CDH5: variants seen among roughly 807,000 people sequenced by gnomAD.
CDH5 encodes cadherin-5.
A neutral mutation model predicts 62.0 loss-of-function variants in CDH5; 28 were observed. The observed-to-expected ratio is 0.45, with a 90% CI of 0.33 to 0.62. The LOEUF (loss-of-function observed/expected upper bound fraction) is 0.62, where lower values mean the gene tolerates loss of function less well. Ranked by LOEUF, CDH5 falls within the 20% of genes least tolerant of loss-of-function variation. The pLI, the probability that CDH5 is intolerant of heterozygous loss-of-function variation, is 0.02. For missense variants in CDH5, 940 were observed against 1,065.1 expected (o/e 0.88, Z 1.63); for synonymous variants, 464 against 445.8 (o/e 1.04, Z -0.52).
At chr16:66,387,872 G>A (rs1056317629) in intron 3 of CDH5, among the ~76,000 whole-genome samples, 1 of 152,174 alleles carries the variant, frequency 6.6e-6, no homozygotes, top group African/African-American at 2.4e-5. Context: ...TCCAGAGGGT[G>A]CCAGAAAAGA....
intron 9 of CDH5, 111 bp from the exon 10 acceptor site, chr16:66,398,345 G>A: frequency 1.2e-6 from 1 of 831,448 alleles, no homozygotes; most frequent in Non-Finnish European, 2.0e-6. Context: ...AGTGTTGCAG[G>A]TGGGAAACAG....
intron 8 of CDH5, among the ~76,000 whole-genome samples, chr16:66,397,142 T>A (rs545783947): frequency 1.4e-3 from 209 of 152,360 alleles, no homozygotes; most frequent in African/African-American, 4.9e-3. Context: ...GATTGTAATG[T>A]TTGTGTAAGA....
Position 66,403,303 on chromosome 16 carries a change from C to A in CDH5, c.*134C>A. 1 of 737,132 alleles carries A rather than the reference C, an allele frequency of 1.4e-6. No homozygotes were observed. The highest frequency in any genetic ancestry group is 2.2e-6 in the Non-Finnish European group (1 of 459,316). 45.7% of individuals were successfully genotyped at this position (737,132 alleles called of 1,614,324 possible). A position where few individuals can be genotyped will look rare whatever the true frequency, so the allele number is the denominator to read the frequency against. ...CCCCTTCCTCGTGGGTCCCAGAGAC[C>A]TCATCAGCCTTGGGATAGCAAACTC... On this transcript the variant is annotated 3_prime_UTR_variant, in exon 12 of 12. Coordinates refer to ENST00000341529, the MANE Select transcript of CDH5 (RefSeq NM_001795.5). This position sits in a 1 kb window ranked among gnomAD's most constrained non-coding sequence, Gnocchi z 4.3.
Position 66,377,402 on chromosome 16 carries a change from T to C in CDH5, c.-19-1917T>C, listed in dbSNP as rs571462097. 716 of 152,378 alleles carry C rather than the reference T, an allele frequency of 4.7e-3. 10 individuals carry two copies. The highest frequency in any genetic ancestry group is 5.4e-3 in the Non-Finnish European group (366 of 68,102). The allele number at this position is 152,378 out of a possible 1,614,324, so 9.4% of individuals were successfully genotyped here. On this transcript the variant is annotated intron_variant, in intron 1 of 11. Transcript: ENST00000341529. ...GCCTATCCCCACCCTGGGAGTCCACTTCCTCCAGGGCCAGAGGCAGGAACC... is the reference window on the plus strand; with the variant it reads ...GCCTATCCCCACCCTGGGAGTCCACCTCCTCCAGGGCCAGAGGCAGGAACC...
At position 66,398,484 on chromosome 16, in the gene CDH5, A is replaced by C. The variant is rs1961227755; in HGVS notation, c.1514A>C (p.Lys505Thr). ...QLVLQISAIDKDITPRNVKFK... is the reference protein window; with the variant it reads ...QLVLQISAIDTDITPRNVKFK... The stretch of plus-strand genomic sequence containing the variant: ...GTCCTGCAGATCTCCGCAATAGACA[A>C]GGACATAACACCACGAAACGTGAAG... Residue 505 changes from lysine (K) to threonine (T), a missense_variant, in exon 10 of 12, where the codon AAG (lysine) becomes ACG (threonine). Physicochemically the swap from Lys to Thr is moderately conservative, Grantham distance 78 (BLOSUM62 -1). Transcript: ENST00000341529. The C allele has an allele frequency of 6.2e-7, 1 of 1,608,754 alleles. No homozygotes were observed. The highest frequency in any genetic ancestry group is 1.3e-5 in the African/African-American group (1 of 74,864).
At position 66,390,608 on chromosome 16, in the gene CDH5, A is replaced by T; in HGVS notation, c.969+18A>T. On this transcript the variant is annotated intron_variant, in intron 6 of 11. Coordinates refer to ENST00000341529, the MANE Select transcript of CDH5 (RefSeq NM_001795.5). ...CCATGAAGGTTTGTAGGCCAATGGC[A>T]ACAATGTCAAACGTGAGGCTTGGGG... 6.2e-7 allele frequency: 1 copy of T among 1,611,278 alleles called. No individual in the cohort carries two copies. The highest frequency in any genetic ancestry group is 8.5e-7 in the Non-Finnish European group (1 of 1,177,840).
At chr16:66,385,176 T>C (rs1218514446) in intron 2 of CDH5, among the ~76,000 whole-genome samples, 1 of 152,226 alleles carries the variant, frequency 6.6e-6, no homozygotes, top group Non-Finnish European at 1.5e-5. Context: ...TCATTGTATA[T>C]GCATAGAATA....
At chr16:66,382,454 C>A (rs1256913981) in intron 2 of CDH5, among the ~76,000 whole-genome samples, 1 of 152,098 alleles carries the variant, frequency 6.6e-6, no homozygotes, top group Non-Finnish European at 1.5e-5. Flanking sequence ...AACACAAATG[C>A]GAGCTCTGTG....
At chr16:66,382,802 G>A (rs1377568210) in intron 2 of CDH5, among the ~76,000 whole-genome samples, 1 of 152,214 alleles carries the variant, frequency 6.6e-6, no homozygotes, top group Non-Finnish European at 1.5e-5. Flanking sequence ...CGGCTCCTGA[G>A]GATGTAATCT....
chr16:66,403,242 A>G lies in CDH5; in HGVS notation c.*73A>G. Reference sequence around the variant, plus strand: ...AGGCCAGTCAGACGCCAGGCACCACAGCCTCCAAAAATGGCAGTGACTCCC... The same window carrying G: ...AGGCCAGTCAGACGCCAGGCACCACGGCCTCCAAAAATGGCAGTGACTCCC... On this transcript the variant is annotated 3_prime_UTR_variant, in exon 12 of 12. Coordinates refer to ENST00000341529, the MANE Select transcript of CDH5 (RefSeq NM_001795.5). The surrounding 1 kb of genome is among the most constrained non-coding windows in gnomAD (Gnocchi z 4.3). 7.1e-7 allele frequency: 1 copy of G among 1,406,032 alleles called. No individual in the cohort carries two copies. Among genetic ancestry groups the G allele is most frequent in the South Asian group, 1.4e-5 (1 of 74,012 alleles). The allele number at this position is 1,406,032 out of a possible 1,614,324, so 87.1% of individuals were successfully genotyped here.
Position 66,379,554 on chromosome 16 carries a change from C to T in CDH5, c.210+7C>T. The T allele has an allele frequency of 6.2e-7, 1 of 1,613,546 alleles. No homozygotes were observed. The highest frequency in any genetic ancestry group is 8.5e-7 in the Non-Finnish European group (1 of 1,179,524). ...TCCCCATCATGTAGGCAAGGTAAGGCTCAAGCCCCAGGACAGGAGAAGCCA... is the reference window on the plus strand; with the variant it reads ...TCCCCATCATGTAGGCAAGGTAAGGTTCAAGCCCCAGGACAGGAGAAGCCA... On this transcript the variant is annotated splice_region_variant and intron_variant, in intron 2 of 11. Transcript: ENST00000341529.
At chr16:66,401,735 G>T (rs529597470) in intron 11 of CDH5, among the ~76,000 whole-genome samples, 1 of 152,208 alleles carries the variant, frequency 6.6e-6, no homozygotes. Flanking sequence ...TAGGGTTGCC[G>T]GGAGGCAGCG....
At chr16:66,402,583 A>T in intron 11 of CDH5, 69 bp from the exon 12 acceptor site, 1 of 1,231,860 alleles carries the variant, frequency 8.1e-7, no homozygotes, top group Non-Finnish European at 1.0e-6. Flanking sequence ...GGCAGTGGGG[A>T]TGGGGGCATG....
intron 1 of CDH5, among the ~76,000 whole-genome samples, chr16:66,375,810 T>A (rs933947293): frequency 3.9e-4 from 52 of 134,088 alleles, no homozygotes; most frequent in African/African-American, 1.3e-3. Context: ...TGTTGCCGTC[T>A]AAAAAAAAAA....
At chr16:66,398,156 C>T (rs926986200) in intron 9 of CDH5, 50 bp downstream of exon 9, 7 of 1,610,560 alleles carry the variant, frequency 4.3e-6, no homozygotes, top group Non-Finnish European at 5.9e-6. Flanking sequence ...CTGGGGCAGG[C>T]TGGGGGGCAG....
chr16:66,384,684 G>T (rs1181370138), intron 2 of CDH5, among the ~76,000 whole-genome samples: 1 of 108,808 alleles, frequency 9.2e-6, no homozygotes. Flanking sequence ...AAAAAAAAGA[G>T]GCTGGGCGTG....
chr16:66,400,789 C>G lies in CDH5; in HGVS notation c.1610C>G (p.Thr537Arg). 6.2e-7 allele frequency: 1 copy of G among 1,614,226 alleles called. No homozygotes were observed. Among genetic ancestry groups the G allele is most frequent in the Non-Finnish European group, 8.5e-7 (1 of 1,180,038 alleles). The change falls in exon 11 of 12, where the codon ACA (threonine) becomes AGA (arginine). Residue 537 changes from threonine (T) to arginine (R), a missense_variant. Transcript: ENST00000341529. ...TTTCCAGATAACACGGCCAACATCA[C>G]AGTCAAGTATGGGCAGTTTGACCGG... ...TDNHDNTANITVKYGQFDREH... is the reference protein window; with the variant it reads ...TDNHDNTANIRVKYGQFDREH...
In CDH5 at chr16:66,403,010, C is replaced by T; in HGVS notation, c.2196C>T (p.Gly732=). 6.2e-7 allele frequency: 1 copy of T among 1,613,348 alleles called. No individual in the cohort carries two copies. The highest frequency in any genetic ancestry group is 1.1e-5 in the South Asian group (1 of 90,986). The part of the protein sequence containing the change: ...GPPYDTLHIY[G]YEGSESIAES... Reference sequence around the variant, plus strand: ...CCTACGACACGCTGCACATCTACGGCTACGAGGGCTCCGAGTCCATAGCCG... The same window carrying T: ...CCTACGACACGCTGCACATCTACGGTTACGAGGGCTCCGAGTCCATAGCCG... The change falls in exon 12 of 12, where the codon GGC becomes GGT. Residue 732 remains glycine, a synonymous_variant. Coordinates refer to ENST00000341529, the MANE Select transcript of CDH5 (RefSeq NM_001795.5). The surrounding 1 kb of genome is among the most constrained non-coding windows in gnomAD (Gnocchi z 4.3).
At chr16:66,402,527 CAAAGGGATGGGCA>C in intron 11 of CDH5, 112 bp from the exon 12 acceptor site, 1 of 755,310 alleles carries the variant, frequency 1.3e-6, no homozygotes, top group Admixed American at 4.0e-5. Flanking sequence ...AAGGGGGGGC[CAAAGGGATGGGCA>C]TGCTGGGAGG....
Sources: allele counts gnomAD v4.1 joint callset (sites outside exome capture counted in the v4.1 genomes callset), GRCh38; gene constraint gnomAD v4.1.1; non-coding constraint Gnocchi (gnomAD v3.1); transcripts MANE v1.5; gene names NCBI Gene and HGNC (gene_info 2026-07-23, HGNC 2026-07-21).